Variants in CLEC6A observed in about 807,000 individuals in gnomAD.
CLEC6A encodes the protein C-type lectin domain containing 6A, also known as C-type lectin domain family 6 member A.
In CLEC6A, 22 loss-of-function variants were observed where a neutral mutation model predicts 25.7. The ratio of observed to expected loss-of-function variants is 0.85; its 90% CI spans 0.61 to 1.22. The LOEUF is 1.22. Ranked by LOEUF, CLEC6A falls within the 50% of genes most tolerant of loss-of-function variation. CLEC6A has a pLI of 0.00. For missense variants in CLEC6A, 240 were observed against 236.8 expected (o/e 1.01, Z -0.09); for synonymous variants, 92 against 76.7 (o/e 1.20, Z -1.04).
At chr12:8,474,159 G>C (rs774231603) in intron 4 of CLEC6A, among the ~76,000 whole-genome samples, 7 of 151,970 alleles carry the variant, frequency 4.6e-5, no homozygotes, top group Non-Finnish European at 7.4e-5. Context: ...GCTGATGTCC[G>C]GCATGGTGGT....
intron 4 of CLEC6A, among the ~76,000 whole-genome samples, chr12:8,467,542 G>A (rs980869624): frequency 6.7e-6 from 1 of 150,330 alleles, no homozygotes; most frequent in Non-Finnish European, 1.5e-5. Context: ...CTGTTCCATT[G>A]GTCTCTATGT....
chr12:8,464,579 G>A (rs112974505), intron 3 of CLEC6A, among the ~76,000 whole-genome samples: 6,568 of 152,104 alleles, frequency 0.043, 201 homozygotes, highest in Middle Eastern at 0.12. Context: ...TGATCCGCCC[G>A]CCTCGGCCTC....
At chr12:8,472,937 C>T (rs909473561) in intron 4 of CLEC6A, among the ~76,000 whole-genome samples, 7 of 151,630 alleles carry the variant, frequency 4.6e-5, no homozygotes, top group Middle Eastern at 3.4e-3. Context: ...TACTAGTCCC[C>T]AGTATCTATT....
intron 5 of CLEC6A, among the ~76,000 whole-genome samples, chr12:8,477,042 C>G (rs894526576): frequency 6.6e-6 from 1 of 151,998 alleles, no homozygotes; most frequent in African/African-American, 2.4e-5. Context: ...TTAATAACCC[C>G]GCCAGCATAA....
rs111454531 is a variant in CLEC6A at position 8,477,463 on chromosome 12, G to C, written c.629G>C (p.Ter210SerextTer4). The change falls in exon 6 of 6, where the codon TGA becomes TCA. Residue 210 changes from the stop codon to serine, a stop_lost. Transcript: ENST00000382073. ...SICEMNKIYL[*>S] ...TGTGAGATGAATAAGATTTACCTAT[G>C]AGTAGAAGCTTAATTGGAAAGAAGA... 6.3e-7 allele frequency: 1 copy of C among 1,597,092 alleles called. No homozygotes were observed.
intron 1 of CLEC6A, 121 bp downstream of exon 1, chr12:8,456,263 C>A: frequency 3.4e-6 from 3 of 878,064 alleles, no homozygotes; most frequent in East Asian, 2.5e-5. Flanking sequence ...ATAGTAGACT[C>A]AAAGGAATTT....
chr12:8,457,790 A>G, intron 1 of CLEC6A, 108 bp from the exon 2 acceptor site: 1 of 752,412 alleles, frequency 1.3e-6, no homozygotes, highest in Non-Finnish European at 2.3e-6. Context: ...TTAAGTTTTT[A>G]ACTGCTCTGA....
chr12:8,460,632 G>C, intron 3 of CLEC6A: 1 of 1,438,244 alleles, frequency 7.0e-7, no homozygotes, highest in Admixed American at 1.7e-5. Context: ...GTGCATACAA[G>C]TATATCCAGG....
intron 1 of CLEC6A, among the ~76,000 whole-genome samples, chr12:8,456,573 G>A (rs1474125415): frequency 6.6e-6 from 1 of 151,892 alleles, no homozygotes; most frequent in Non-Finnish European, 1.5e-5. Flanking sequence ...ATGAAAATTT[G>A]ACTTTAGCTT....
chr12:8,458,885 G>C (rs1242691186), intron 2 of CLEC6A, among the ~76,000 whole-genome samples: 2 of 152,110 alleles, frequency 1.3e-5, no homozygotes, highest in East Asian at 3.9e-4. Context: ...TGAAGAATCA[G>C]ATCAGATCCT....
intron 3 of CLEC6A, among the ~76,000 whole-genome samples, chr12:8,459,947 C>T (rs966884139): frequency 6.6e-6 from 1 of 152,188 alleles, no homozygotes; most frequent in African/African-American, 2.4e-5. Context: ...GTAATTTGCT[C>T]AGGCCAACCC....
At chr12:8,459,471 T>G in intron 2 of CLEC6A, 126 bp from the exon 3 acceptor site, 1 of 596,898 alleles carries the variant, frequency 1.7e-6, no homozygotes, top group Non-Finnish European at 3.1e-6. Flanking sequence ...TTGGCATGGT[T>G]TTTATGGGGC....
chr12:8,457,421 G>T (rs929191176), intron 1 of CLEC6A, among the ~76,000 whole-genome samples: 1 of 152,010 alleles, frequency 6.6e-6, no homozygotes, highest in Non-Finnish European at 1.5e-5. Context: ...TTTTTATGGT[G>T]GAATAATATG....
intron 4 of CLEC6A, among the ~76,000 whole-genome samples, chr12:8,475,329 T>C (rs111403201): frequency 1.2e-5 from 1 of 82,460 alleles, no homozygotes; most frequent in Non-Finnish European, 2.5e-5. Context: ...ACTCTCTCTA[T>C]ATATATATAT....
intron 3 of CLEC6A, among the ~76,000 whole-genome samples, chr12:8,462,422 C>A (rs1939770237): frequency 7.5e-6 from 1 of 132,488 alleles, no homozygotes; most frequent in African/African-American, 2.7e-5. Context: ...AAGAGGAAGG[C>A]ATCTGTCTCC....
intron 3 of CLEC6A, among the ~76,000 whole-genome samples, chr12:8,462,099 A>C (rs1366684362): frequency 6.6e-6 from 1 of 152,180 alleles, no homozygotes; most frequent in Non-Finnish European, 1.5e-5. Context: ...GTGCTGTGTC[A>C]ACTCAGGGTT....
chr12:8,472,994 C>CTTTTTT (rs746059514), intron 4 of CLEC6A, among the ~76,000 whole-genome samples: 2 of 3,574 alleles, frequency 5.6e-4, no homozygotes, highest in Admixed American at 8.8e-3. Flanking sequence ...GCTCCTACTT[C>CTTTTTT]TTTTTTTTTT....
In CLEC6A at chr12:8,477,395, G is replaced by A; in HGVS notation, c.561G>A (p.Trp187Ter). ...TAGTCTTCTGGAAACCTACAGGATG[G>A]GGCTGGAATGATGTTATCTGTGAAA... ...ASIVFWKPTGWGWNDVICETR... is the reference protein window; with the variant it reads ...ASIVFWKPTG The change falls in exon 6 of 6, where the codon TGG becomes TGA. Residue 187 changes from tryptophan to a stop codon, truncating the protein, a stop_gained. Coordinates refer to ENST00000382073, the MANE Select transcript of CLEC6A (RefSeq NM_001007033.2). LOFTEE classifies it high-confidence loss of function. The A allele has an allele frequency of 6.2e-7, 1 of 1,611,928 alleles. No homozygotes were observed. Among genetic ancestry groups the A allele is most frequent in the East Asian group, 2.2e-5 (1 of 44,786 alleles).
intron 3 of CLEC6A, among the ~76,000 whole-genome samples, chr12:8,462,289 T>C (rs1300509420): frequency 7.2e-4 from 97 of 135,198 alleles, no homozygotes; most frequent in Admixed American, 2.1e-3. Flanking sequence ...CCCCATGTGA[T>C]AGTCTGAAAT....
Sources: gnomAD v4.1 joint callset for allele counts (sites outside exome capture counted in the v4.1 genomes callset) on GRCh38, gnomAD v4.1.1 for gene constraint, MANE v1.5 for transcripts, NCBI Gene and HGNC (gene_info 2026-07-23, HGNC 2026-07-21) for gene names.